FRMPD3: variants seen among roughly 807,000 people sequenced by gnomAD.
The protein encoded by FRMPD3 is FERM and PDZ domain containing 3, also known as FERM and PDZ domain-containing protein 3.
In FRMPD3, 42 loss-of-function variants were observed where a neutral mutation model predicts 97.9. That is an observed-to-expected ratio of 0.43 (90% CI 0.34 to 0.55). FRMPD3 has a LOEUF of 0.55. FRMPD3 is among the 20% of genes least tolerant of loss of function. The pLI is 0.03. For synonymous variants in FRMPD3, 577 were observed against 581.1 expected (o/e 0.99, Z 0.10); for missense variants, 1,303 against 1,457.7 (o/e 0.89, Z 1.73).
At chrX:107,461,079 C>T (rs972091801) in intron 1 of FRMPD3, among the ~76,000 whole-genome samples, 4 of 111,728 alleles carry the variant, frequency 3.6e-5, no homozygotes, top group African/African-American at 1.3e-4. Context: ...TTCTTTTCTT[C>T]CCCCGACCCG....
At chrX:107,574,454 G>A (rs906566476) in intron 12 of FRMPD3, among the ~76,000 whole-genome samples, 2 of 112,168 alleles carry the variant, frequency 1.8e-5, no homozygotes, top group Non-Finnish European at 3.8e-5. Context: ...ATGTACAATG[G>A]CAGAGTTGTT....
chrX:107,529,066 G>C (rs1446161113), intron 2 of FRMPD3, among the ~76,000 whole-genome samples: 1 of 112,866 alleles, frequency 8.9e-6, no homozygotes, highest in Non-Finnish European at 1.9e-5. Flanking sequence ...TAGAGTCAAG[G>C]CTGGTTTGAT....
intron 1 of FRMPD3, among the ~76,000 whole-genome samples, chrX:107,509,367 A>G (rs534401458): frequency 1.4e-3 from 152 of 110,516 alleles, no homozygotes; most frequent in South Asian, 7.3e-3. Context: ...GAGACCTTCC[A>G]TGTGTAGCTT....
intron 1 of FRMPD3, among the ~76,000 whole-genome samples, chrX:107,456,575 C>A (rs1299950812): frequency 8.9e-6 from 1 of 112,187 alleles, no homozygotes; most frequent in African/African-American, 3.2e-5. Flanking sequence ...ACAAAAGTAA[C>A]AATAATGCCT....
intron 1 of FRMPD3, among the ~76,000 whole-genome samples, chrX:107,491,797 C>T (rs942317143): frequency 3.6e-5 from 4 of 112,015 alleles, no homozygotes; most frequent in Non-Finnish European, 5.6e-5. Context: ...CCAGAGAGGG[C>T]CTCCTGGCCA....
intron 1 of FRMPD3, among the ~76,000 whole-genome samples, chrX:107,501,853 C>T (rs1921919504): frequency 9.1e-6 from 1 of 109,419 alleles, no homozygotes; most frequent in African/African-American, 3.3e-5. Flanking sequence ...GCCTTCTCAC[C>T]TCTCCAAGCC....
intron 8 of FRMPD3, among the ~76,000 whole-genome samples, chrX:107,557,565 A>AT (rs767766094): frequency 9.8e-6 from 1 of 101,552 alleles, no homozygotes; most frequent in Admixed American, 1.1e-4. Context: ...ATTTTCCCCT[A>AT]TTTTTTTCTA....
chrX:107,455,384 A>G (rs753625092), intron 1 of FRMPD3, among the ~76,000 whole-genome samples: 64 of 110,883 alleles, frequency 5.8e-4, no homozygotes, highest in African/African-American at 1.9e-3. Flanking sequence ...GCGAGACCCT[A>G]TTTCTACAAA....
At chrX:107,478,172 G>A (rs1324599640) in intron 1 of FRMPD3, among the ~76,000 whole-genome samples, 1 of 112,143 alleles carries the variant, frequency 8.9e-6, no homozygotes, top group Admixed American at 9.5e-5. Context: ...AACCACAAAA[G>A]TAATATATGC....
chrX:107,582,743 C>T (rs1375461366), intron 13 of FRMPD3, among the ~76,000 whole-genome samples: 1 of 112,366 alleles, frequency 8.9e-6, no homozygotes, highest in Admixed American at 9.5e-5. Flanking sequence ...CTTATGCCAC[C>T]ACTTTATGGT....
intron 1 of FRMPD3, among the ~76,000 whole-genome samples, chrX:107,498,963 T>C (rs760673385): frequency 9.0e-6 from 1 of 110,768 alleles, no homozygotes; most frequent in South Asian, 3.9e-4. Flanking sequence ...CCAACCAAAA[T>C]GTGGCTGCTA....
intron 1 of FRMPD3, among the ~76,000 whole-genome samples, chrX:107,523,564 G>T (rs1346187665): frequency 8.9e-6 from 1 of 111,825 alleles, no homozygotes; most frequent in Non-Finnish European, 1.9e-5. Flanking sequence ...TTGGAACTTA[G>T]TTGTAGATCT....
At position 107,600,523 on chromosome X, in the gene FRMPD3, G is replaced by T. The variant is rs1349389232; in HGVS notation, c.2484G>T (p.Thr828=). The change falls in exon 15 of 15, where the codon ACG becomes ACT. Residue 828 remains threonine, a synonymous_variant. Transcript: ENST00000683843. ...IQSCAAQAVL[T]APYSLGRPDP... ...GCTGTGCAGCCCAGGCCGTTCTTAC[G>T]GCCCCTTACTCTCTTGGGCGCCCGG... The T allele has an allele frequency of 3.3e-6, 4 of 1,208,803 alleles. No homozygotes were observed. Among genetic ancestry groups the T allele is most frequent in the Non-Finnish European group, 4.5e-6 (4 of 894,965 alleles).
intron 14 of FRMPD3, among the ~76,000 whole-genome samples, chrX:107,598,928 G>T (rs965317975): frequency 3.6e-5 from 4 of 111,710 alleles, no homozygotes; most frequent in African/African-American, 1.3e-4. Flanking sequence ...ACACATGTCA[G>T]ACACATACCC....
In FRMPD3 at chrX:107,489,553, T is replaced by C. The variant is rs1259111319; in HGVS notation, c.-7-37029T>C. Among the ~76,000 whole-genome samples, 363 of 112,227 alleles carry C rather than the reference T, an allele frequency of 3.2e-3. 4 individuals carry two copies. Among genetic ancestry groups the C allele is most frequent in the African/African-American group, 0.011 (341 of 30,858 alleles). On this transcript the variant is annotated intron_variant, in intron 1 of 14. Coordinates refer to ENST00000683843, the MANE Select transcript of FRMPD3 (RefSeq NM_001388459.1). Reference sequence around the variant, plus strand: ...CTAACTGGTGTGAGATGGTATCTCATTGTGGTTTTGATTTGCATTTCTCTG... The same window carrying C: ...CTAACTGGTGTGAGATGGTATCTCACTGTGGTTTTGATTTGCATTTCTCTG...
At chrX:107,552,529 A>G (rs755942722) in intron 6 of FRMPD3, among the ~76,000 whole-genome samples, 1 of 111,543 alleles carries the variant, frequency 9.0e-6, no homozygotes, top group Non-Finnish European at 1.9e-5. Context: ...TTCTTTTGCC[A>G]TAAGCCTCGC....
intron 3 of FRMPD3, among the ~76,000 whole-genome samples, chrX:107,532,499 T>A (rs1931349258): frequency 8.9e-6 from 1 of 112,597 alleles, no homozygotes; most frequent in Admixed American, 9.4e-5. Flanking sequence ...GGCAAGGGGC[T>A]GGAGGAGACG....
At chrX:107,494,696 AT>A (rs1319974428) in intron 1 of FRMPD3, among the ~76,000 whole-genome samples, 1 of 111,980 alleles carries the variant, frequency 8.9e-6, no homozygotes, top group East Asian at 2.8e-4. Flanking sequence ...ATACTTTATT[AT>A]TTCCATTTTA....
At chrX:107,456,186 C>A (rs1023924515) in intron 1 of FRMPD3, among the ~76,000 whole-genome samples, 1 of 110,052 alleles carries the variant, frequency 9.1e-6, no homozygotes, top group Non-Finnish European at 1.9e-5. Context: ...ACCTTAGCCT[C>A]TCGAGTTGCT....
Sources: gnomAD v4.1 joint callset for allele counts (sites outside exome capture counted in the v4.1 genomes callset) on GRCh38, gnomAD v4.1.1 for gene constraint, MANE v1.5 for transcripts, NCBI Gene and HGNC (gene_info 2026-07-23, HGNC 2026-07-21) for gene names.